The following IL12RB2 variants were observed in gnomAD, a reference collection of about 807,000 sequenced individuals.
The protein encoded by IL12RB2 is interleukin-12 receptor subunit beta-2.
IL12RB2 carries 82 observed loss-of-function variants against 89.4 expected under a neutral mutation model. That is an observed-to-expected ratio of 0.92 (90% CI 0.77 to 1.10). The LOEUF (loss-of-function observed/expected upper bound fraction) is 1.10, where lower values mean the gene tolerates loss of function less well. IL12RB2 is among the 50% of genes least tolerant of loss of function. The pLI is 0.00. For missense variants in IL12RB2, 963 were observed against 1,031.9 expected (o/e 0.93, Z 0.92); for synonymous variants, 368 against 370.1 (o/e 0.99, Z 0.07).
intron 10 of IL12RB2, among the ~76,000 whole-genome samples, chr1:67,363,006 G>A (rs987114864): frequency 1.3e-5 from 2 of 151,516 alleles, no homozygotes; most frequent in African/African-American, 4.9e-5. Flanking sequence ...TGGTTCAAGC[G>A]ATTCTCCTGC....
intron 1 of IL12RB2, among the ~76,000 whole-genome samples, chr1:67,310,343 G>A (rs1654881736): frequency 6.6e-6 from 1 of 152,074 alleles, no homozygotes. Context: ...TATGGTCAGT[G>A]CATTTGCTGG....
At chr1:67,381,863 G>A (rs909093379) in intron 14 of IL12RB2, among the ~76,000 whole-genome samples, 1 of 151,552 alleles carries the variant, frequency 6.6e-6, no homozygotes. Flanking sequence ...GTACATGCCT[G>A]TAATCCCAGC....
chr1:67,395,468 C>G (rs942669039), intron 16 of IL12RB2, 79 bp from the exon 17 acceptor site: 11 of 1,612,276 alleles, frequency 6.8e-6, no homozygotes, highest in African/African-American at 1.3e-5. Flanking sequence ...GGTTGTGAGG[C>G]CTTTGGGAAC....
At chr1:67,327,185 T>C (rs879734837) in intron 5 of IL12RB2, among the ~76,000 whole-genome samples, 7 of 152,004 alleles carry the variant, frequency 4.6e-5, no homozygotes, top group African/African-American at 1.2e-4. Flanking sequence ...GGTCTCGATC[T>C]CTTGACCTCG....
rs1350631488 is a variant in IL12RB2 at position 67,318,086 on chromosome 1, G to A, written c.-36-2247G>A. On this transcript the variant is annotated intron_variant, in intron 2 of 16. Coordinates refer to ENST00000674203, the MANE Select transcript of IL12RB2 (RefSeq NM_001374259.2). The stretch of plus-strand genomic sequence containing the variant: ...AAGGGTGTAAATATGTCAGCCACAC[G>A]AAGACGCAAGGGAAGAGGATTCTAG... 2.0e-5 allele frequency among the ~76,000 whole-genome samples: 3 copies of A among 152,152 alleles called. No individual in the cohort carries two copies. In the East Asian group the frequency reaches 5.8e-4, roughly 29 times the overall value.
chr1:67,335,415 G>T (rs561818475), intron 8 of IL12RB2, among the ~76,000 whole-genome samples: 3 of 152,274 alleles, frequency 2.0e-5, no homozygotes, highest in South Asian at 4.1e-4. Flanking sequence ...ACGTTTTCAT[G>T]GTGGAAAAAG....
intron 15 of IL12RB2, among the ~76,000 whole-genome samples, chr1:67,389,599 C>T (rs1181950528): frequency 3.3e-5 from 5 of 152,054 alleles, no homozygotes; most frequent in African/African-American, 1.2e-4. Context: ...CATTTTGAAT[C>T]CCGTCTTTTT....
intron 2 of IL12RB2, among the ~76,000 whole-genome samples, chr1:67,318,421 TG>T (rs1656063732): frequency 6.6e-6 from 1 of 152,080 alleles, no homozygotes; most frequent in Non-Finnish European, 1.5e-5. Context: ...AGGGCAAGGA[TG>T]GTTTGGAAAG....
At chr1:67,351,823 C>T (rs889307172) in intron 10 of IL12RB2, among the ~76,000 whole-genome samples, 4 of 152,080 alleles carry the variant, frequency 2.6e-5, no homozygotes, top group African/African-American at 9.7e-5. Flanking sequence ...AAATTAACTT[C>T]TCAGGATAAA....
chr1:67,316,637 C>G (rs1199317870), intron 2 of IL12RB2, among the ~76,000 whole-genome samples: 1 of 152,166 alleles, frequency 6.6e-6, no homozygotes, highest in East Asian at 1.9e-4. Flanking sequence ...ATACCATTCT[C>G]CCTGCAGTCA....
chr1:67,328,716 C>G (rs955187608), intron 6 of IL12RB2, among the ~76,000 whole-genome samples: 1 of 152,106 alleles, frequency 6.6e-6, no homozygotes, highest in African/African-American at 2.4e-5. Flanking sequence ...CAGTGCAAGC[C>G]CTTCTTGGAG....
chr1:67,330,838 C>T (rs200195251), intron 8 of IL12RB2, 28 bp downstream of exon 8: 127 of 1,314,694 alleles, frequency 9.7e-5, no homozygotes, highest in Non-Finnish European at 3.0e-5. Flanking sequence ...ACATACCTAT[C>T]GGGGAGCAAT....
chr1:67,363,628 T>C (rs1280810636), intron 10 of IL12RB2, among the ~76,000 whole-genome samples: 1 of 152,244 alleles, frequency 6.6e-6, no homozygotes, highest in Non-Finnish European at 1.5e-5. Flanking sequence ...TGCATGCTTA[T>C]ATATAAGTGA....
intron 8 of IL12RB2, among the ~76,000 whole-genome samples, chr1:67,333,389 CT>C (rs546599054): frequency 0.066 from 8,131 of 123,994 alleles, 592 homozygotes; most frequent in African/African-American, 0.2. Context: ...TAATAGTAAG[CT>C]TTTTTTTTTT....
intron 13 of IL12RB2, among the ~76,000 whole-genome samples, chr1:67,375,374 G>T (rs769734474): frequency 6.6e-6 from 1 of 152,120 alleles, no homozygotes; most frequent in African/African-American, 2.4e-5. Flanking sequence ...CAGCCTGGGC[G>T]ACAGAGATGG....
intron 13 of IL12RB2, among the ~76,000 whole-genome samples, chr1:67,374,404 C>T (rs941908538): frequency 6.6e-6 from 1 of 152,108 alleles, no homozygotes; most frequent in Admixed American, 6.6e-5. Flanking sequence ...GTGAAATTTG[C>T]CCCCCAAATA....
intron 8 of IL12RB2, among the ~76,000 whole-genome samples, chr1:67,333,629 T>C (rs939996559): frequency 2.6e-5 from 4 of 152,086 alleles, no homozygotes; most frequent in African/African-American, 9.7e-5. Context: ...GACCGAAAAG[T>C]AAGGGATAGG....
chr1:67,339,311 AC>A (rs1255025098), intron 9 of IL12RB2, among the ~76,000 whole-genome samples: 1 of 151,892 alleles, frequency 6.6e-6, no homozygotes, highest in African/African-American at 2.4e-5. Context: ...GCATGGTGAA[AC>A]CCCGTCTCTA....
rs1168712806 is a variant in IL12RB2, at chr1:67,330,521, AT to A, written c.808-136del. ...TCTATTCGGTAAGACAGTCACTGATATTTCTTCTCATTTAATGGTAGGTCTG... is the reference window on the plus strand; with the variant it reads ...TCTATTCGGTAAGACAGTCACTGATATTCTTCTCATTTAATGGTAGGTCTG... On this transcript the variant is annotated intron_variant, in intron 7 of 16. Transcript: ENST00000674203. The A allele has an allele frequency of 6.4e-4, 407 of 637,332 alleles. 1 individual carries two copies. Among genetic ancestry groups the A allele is most frequent in the Non-Finnish European group, 1.1e-4 (41 of 359,846 alleles). The allele number at this position is 637,332 out of a possible 1,614,324, so 39.5% of individuals were successfully genotyped here. A position where few individuals can be genotyped will look rare whatever the true frequency, so the allele number is the denominator to read the frequency against.
Sources: allele counts gnomAD v4.1 joint callset (sites outside exome capture counted in the v4.1 genomes callset), GRCh38; gene constraint gnomAD v4.1.1; transcripts MANE v1.5; gene names NCBI Gene and HGNC (gene_info 2026-07-23, HGNC 2026-07-21).